XXYLT1: variants seen among roughly 807,000 people sequenced by gnomAD.
The protein encoded by XXYLT1 is UDP-xylose:alpha-xyloside alpha-1,3-xylosyltransferase.
In XXYLT1, 20 loss-of-function variants were observed where a neutral mutation model predicts 28.9. That is an observed-to-expected ratio of 0.69 (90% CI 0.49 to 1.00). The LOEUF is 1.00. Among genes scored for constraint, XXYLT1 ranks in the 50% least tolerant of loss-of-function variants. XXYLT1 has a pLI of 0.00. For synonymous variants in XXYLT1, 257 were observed against 253.8 expected (o/e 1.01, Z -0.12); for missense variants, 542 against 560.1 (o/e 0.97, Z 0.33).
At chr3:195,127,809 G>A (rs1718712944) in intron 3 of XXYLT1, among the ~76,000 whole-genome samples, 1 of 148,466 alleles carries the variant, frequency 6.7e-6, no homozygotes, top group Non-Finnish European at 1.5e-5. Context: ...AGAGCAAAAC[G>A]CCATGTAGAA....
chr3:195,248,446 G>A (rs1263866788), intron 1 of XXYLT1, among the ~76,000 whole-genome samples: 1 of 152,144 alleles, frequency 6.6e-6, no homozygotes, highest in African/African-American at 2.4e-5. Flanking sequence ...GTTCCGTAAG[G>A]AGGAGTTTCC....
At chr3:195,134,281 G>T (rs545913771) in intron 3 of XXYLT1, among the ~76,000 whole-genome samples, 2 of 152,300 alleles carry the variant, frequency 1.3e-5, no homozygotes, top group South Asian at 4.1e-4. Flanking sequence ...GCTTACAGCA[G>T]TGCAAAGTAA....
intron 3 of XXYLT1, among the ~76,000 whole-genome samples, chr3:195,110,247 TGGGTGAAGTGTGTGTGGGTGTGTG>T (rs1560100527): frequency 1.2e-3 from 50 of 40,948 alleles, no homozygotes; most frequent in East Asian, 4.5e-3. Flanking sequence ...TGTGCGTGTG[TGGGTGAAGTGTGTGTGGGTGTGTG>T]GTGTGTGTGG....
In XXYLT1 at chr3:195,256,909, G is replaced by T. The variant is rs907571222; in HGVS notation, c.504+13646C>A. ...AGGCAGACCAAGCAACCTTCCCAGGGCTCTCAGGTAAGGGAGACAAGTGAA... is the reference window on the plus strand; with the variant it reads ...AGGCAGACCAAGCAACCTTCCCAGGTCTCTCAGGTAAGGGAGACAAGTGAA... On this transcript the variant is annotated intron_variant, in intron 1 of 3. Coordinates refer to ENST00000310380, the MANE Select transcript of XXYLT1 (RefSeq NM_152531.5). This position sits in a 1 kb window ranked among gnomAD's most constrained non-coding sequence, Gnocchi z 4.2. Among the ~76,000 whole-genome samples the T allele has an allele frequency of 6.6e-6, 1 of 152,164 alleles. No individual in the cohort carries two copies. Among genetic ancestry groups the T allele is most frequent in the African/African-American group, 2.4e-5 (1 of 41,448 alleles).
At chr3:195,119,710 GCTGAGTCTCCCGAATGCCT>G (rs1718243633) in intron 3 of XXYLT1, among the ~76,000 whole-genome samples, 1 of 152,196 alleles carries the variant, frequency 6.6e-6, no homozygotes, top group Non-Finnish European at 1.5e-5. Flanking sequence ...GCAGAACAAT[GCTGAGTCTCCCGAATGCCT>G]CTTTTGTTCC....
At chr3:195,166,982 C>T (rs938446985) in intron 2 of XXYLT1, among the ~76,000 whole-genome samples, 4 of 152,126 alleles carry the variant, frequency 2.6e-5, no homozygotes, top group Admixed American at 6.5e-5. Flanking sequence ...CGGCCATGGG[C>T]CAATTATCTA....
At position 195,080,319 on chromosome 3, in the gene XXYLT1, G is replaced by A. The variant is rs114670411; in HGVS notation, c.786-10208C>T. Among the ~76,000 whole-genome samples, 1,053 of 152,296 alleles carry A rather than the reference G, an allele frequency of 6.9e-3. 10 individuals are homozygous for A. The highest frequency in any genetic ancestry group is 0.024 in the African/African-American group (997 of 41,564). ...ACCCTTCCTAGCGCTGGCCCTGGAAGGCACCCAGCCTCCAGTACTGGGGCT... is the reference window on the plus strand; with the variant it reads ...ACCCTTCCTAGCGCTGGCCCTGGAAAGCACCCAGCCTCCAGTACTGGGGCT... On this transcript the variant is annotated intron_variant, in intron 3 of 3. Coordinates refer to ENST00000310380, the MANE Select transcript of XXYLT1 (RefSeq NM_152531.5).
At chr3:195,138,094 A>G (rs1719291871) in intron 3 of XXYLT1, among the ~76,000 whole-genome samples, 1 of 152,226 alleles carries the variant, frequency 6.6e-6, no homozygotes, top group African/African-American at 2.4e-5. Context: ...CCAGAAGTCA[A>G]CCTCAATGAC....
chr3:195,130,328 G>A (rs1237346908), intron 3 of XXYLT1, among the ~76,000 whole-genome samples: 1 of 152,210 alleles, frequency 6.6e-6, no homozygotes, highest in Non-Finnish European at 1.5e-5. Context: ...GGGACTATCT[G>A]AATGCAGCCT....
At chr3:195,244,143 A>G (rs1427882631) in intron 1 of XXYLT1, among the ~76,000 whole-genome samples, 1 of 152,200 alleles carries the variant, frequency 6.6e-6, no homozygotes, top group Non-Finnish European at 1.5e-5. Context: ...CAAGATTGCC[A>G]TTGTGTCAGC....
At chr3:195,098,820 C>T (rs1716603797) in intron 3 of XXYLT1, among the ~76,000 whole-genome samples, 1 of 152,222 alleles carries the variant, frequency 6.6e-6, no homozygotes, top group African/African-American at 2.4e-5. Context: ...CTCATTCCAA[C>T]ACTACCTACG....
rs188012845 is a variant in XXYLT1 at position 195,127,293 on chromosome 3, T to G, written c.785+29156A>C. Among the ~76,000 whole-genome samples, 574 of 152,252 alleles carry G rather than the reference T, an allele frequency of 3.8e-3. 5 individuals carry two copies. The highest frequency in any genetic ancestry group is 0.014 in the African/African-American group (565 of 41,538). ...GGATTTGACTCTCAAGCATCATCCG[T>G]AGATTTGGTTTTGTGTTACTCCTGG... On this transcript the variant is annotated intron_variant, in intron 3 of 3. Transcript: ENST00000310380.
chr3:195,254,512 C>T lies in XXYLT1; in HGVS notation c.504+16043G>A, dbSNP rs372768602. Among the ~76,000 whole-genome samples, 7 of 152,362 alleles carry T rather than the reference C, an allele frequency of 4.6e-5. No individual in the cohort carries two copies. The East Asian group carries it at 1.2e-3, about 25-fold the overall frequency. ...GGGGCATAATTAAGTCTGTAGGCTG[C>T]GGGATCTCTGTGCCAAAACTGCTCT... On this transcript the variant is annotated intron_variant, in intron 1 of 3. Coordinates refer to ENST00000310380, the MANE Select transcript of XXYLT1 (RefSeq NM_152531.5).
chr3:195,097,773 C>T (rs959367838), intron 3 of XXYLT1, among the ~76,000 whole-genome samples: 6 of 152,144 alleles, frequency 3.9e-5, no homozygotes, highest in African/African-American at 2.4e-5. Context: ...TCTGATTCTC[C>T]GGGGGAGTGT....
At chr3:195,122,469 A>G (rs1281252106) in intron 3 of XXYLT1, among the ~76,000 whole-genome samples, 3 of 152,134 alleles carry the variant, frequency 2.0e-5, no homozygotes, top group Non-Finnish European at 4.4e-5. Context: ...GTAGTACTGT[A>G]GTAGTAGTAC....
intron 3 of XXYLT1, among the ~76,000 whole-genome samples, chr3:195,141,098 C>T (rs1048942542): frequency 3.9e-5 from 6 of 152,214 alleles, no homozygotes; most frequent in African/African-American, 1.4e-4. Flanking sequence ...GCACCTTGAT[C>T]TTGGACTTCC....
At chr3:195,241,475 T>C (rs1432561268) in intron 1 of XXYLT1, among the ~76,000 whole-genome samples, 6 of 152,134 alleles carry the variant, frequency 3.9e-5, no homozygotes, top group African/African-American at 1.4e-4. Context: ...TTGTCAGCAA[T>C]TCCAACAAGA....
At chr3:195,099,301 G>T (rs1036721095) in intron 3 of XXYLT1, among the ~76,000 whole-genome samples, 1 of 152,220 alleles carries the variant, frequency 6.6e-6, no homozygotes, top group African/African-American at 2.4e-5. Flanking sequence ...TGGGGTAGCA[G>T]CTGGACAGCC....
chr3:195,121,913 A>T (rs1718379578), intron 3 of XXYLT1: 1 of 635,656 alleles, frequency 1.6e-6, no homozygotes, highest in Middle Eastern at 2.9e-4. Flanking sequence ...TCCAAGAGAA[A>T]GCCCAGCCTG....
Sources: allele counts gnomAD v4.1 joint callset (sites outside exome capture counted in the v4.1 genomes callset), GRCh38; gene constraint gnomAD v4.1.1; non-coding constraint Gnocchi (gnomAD v3.1); transcripts MANE v1.5; gene names NCBI Gene and HGNC (gene_info 2026-07-23, HGNC 2026-07-21).